Variants in ZNF385A observed in about 807,000 individuals in gnomAD.
The protein encoded by ZNF385A is zinc finger protein 385A.
In ZNF385A, 14 loss-of-function variants were observed where a neutral mutation model predicts 32.1. The observed-to-expected ratio is 0.44, with a 90% CI of 0.29 to 0.68. The LOEUF (loss-of-function observed/expected upper bound fraction) is 0.68, where lower values mean the gene tolerates loss of function less well. Among genes scored for constraint, ZNF385A ranks in the 30% least tolerant of loss-of-function variants. The pLI is 0.14. For synonymous variants in ZNF385A, 197 were observed against 202.7 expected (o/e 0.97, Z 0.24); for missense variants, 406 against 478.4 (o/e 0.85, Z 1.41).
In ZNF385A at chr12:54,384,502, G is replaced by GTGGGGGCTGCATGAT. The variant is rs758465640; in HGVS notation, c.-3_12dup (p.Pro4_Leu5insIleMetGlnProPro). 5.1e-6 allele frequency: 8 copies of GTGGGGGCTGCATGAT among 1,564,752 alleles called. No homozygotes were observed. ...AAGGGCAGGATCTGCTTGAGGTCCA[G>GTGGGGGCTGCATGAT]TGGGGGCTGCATGATCGGGGGCTGC... is the stretch of plus-strand genomic sequence containing the variant. On this transcript the variant is annotated inframe_insertion, in exon 1 of 7. Coordinates refer to ENST00000394313, the MANE Select transcript of ZNF385A (RefSeq NM_015481.3).
Position 54,371,624 on chromosome 12 carries a change from C to G in ZNF385A, c.453G>C (p.Gln151His). The G allele has an allele frequency of 1.2e-6, 2 of 1,612,130 alleles. No individual in the cohort carries two copies. Among genetic ancestry groups the G allele is most frequent in the Non-Finnish European group, 1.7e-6 (2 of 1,179,340 alleles). ...TCCCCCCTTCACCCTTGGTTACACC[C>G]TGACCAGTCTCCGGAATGCTGGGAG... is the stretch of plus-strand genomic sequence containing the variant. ...PSPPSIPETG[Q>H]GVTKGEGGTP... is the part of the protein sequence containing the mutation. Residue 151 changes from glutamine to histidine, a missense_variant, in exon 4 of 7, where the codon CAG becomes CAC. Transcript: ENST00000394313.
intron 1 of ZNF385A, 149 bp from the exon 2 acceptor site, chr12:54,376,103 C>T (rs1357098356): frequency 6.2e-6 from 4 of 644,076 alleles, no homozygotes; most frequent in East Asian, 2.7e-5. Context: ...TCTTCTGATT[C>T]TCTCTTAGCC....
chr12:54,370,423 G>A lies in ZNF385A; in HGVS notation c.934C>T (p.Leu312=). The A allele has an allele frequency of 6.5e-7, 1 of 1,547,628 alleles. No homozygotes were observed. The highest frequency in any genetic ancestry group is 2.4e-5 in the East Asian group (1 of 40,874). The change falls in exon 7 of 7, where the codon CTG becomes TTG. Residue 312 remains leucine (L), a synonymous_variant. Coordinates refer to ENST00000394313, the MANE Select transcript of ZNF385A (RefSeq NM_015481.3). The surrounding 1 kb of genome is among the most constrained non-coding windows in gnomAD (Gnocchi z 5.5). ...GCTGCCATCACTGCAGCCACCGCCA[G>A]GGGGCTGGGGAGCAGGCCGCCCGCC... ...SLAGGLLPSP[L]AVAAVMAAAA...
chr12:54,382,136 C>T (rs543616140), intron 1 of ZNF385A, among the ~76,000 whole-genome samples: 12 of 151,018 alleles, frequency 7.9e-5, no homozygotes, highest in South Asian at 2.1e-4. Flanking sequence ...GGCGCAATCT[C>T]GGCTCACTGC....
At chr12:54,378,984 C>G in intron 1 of ZNF385A, 2 of 912,316 alleles carry the variant, frequency 2.2e-6, no homozygotes, top group Non-Finnish European at 2.6e-6. Flanking sequence ...TAGCCAGCCC[C>G]GCAGGGGCGG....
At chr12:54,387,610 T>G (rs371980531), upstream of ZNF385A, among the ~76,000 whole-genome samples, 5 of 152,336 alleles carry the variant, frequency 3.3e-5, no homozygotes, top group African/African-American at 9.6e-5. Context: ...GGTGAGCAGC[T>G]AGGTTCTCTG....
chr12:54,378,722 G>T (rs981182659), intron 1 of ZNF385A, among the ~76,000 whole-genome samples: 1 of 152,070 alleles, frequency 6.6e-6, no homozygotes, highest in South Asian at 2.1e-4. Context: ...GCAAGCTGGT[G>T]GGGGAGGGAT....
In ZNF385A at chr12:54,384,640, C is replaced by T. The variant is rs1447587625; in HGVS notation, c.-126G>A. 9.9e-6 allele frequency: 14 copies of T among 1,420,142 alleles called. No homozygotes were observed. The highest frequency in any genetic ancestry group is 1.1e-5 in the Non-Finnish European group (12 of 1,091,122). 88.0% of individuals were successfully genotyped at this position (1,420,142 alleles called of 1,614,324 possible). On this transcript the variant is annotated 5_prime_UTR_variant, in exon 1 of 7. In the 5' UTR this introduces an upstream ATG that the reference lacks. Coordinates refer to ENST00000394313, the MANE Select transcript of ZNF385A (RefSeq NM_015481.3). ...ACCCCACCCAAGCCTGCCAGTCCCA[C>T]TCCCTAGCCAGGGCCCCCACACTCA...
Position 54,370,372 on chromosome 12 carries a change from G to T in ZNF385A, c.985C>A (p.Arg329Ser). 2 of 1,514,734 alleles carry T rather than the reference G, an allele frequency of 1.3e-6. No individual in the cohort carries two copies. Among genetic ancestry groups the T allele is most frequent in the Non-Finnish European group, 1.8e-6 (2 of 1,129,864 alleles). 93.8% of individuals were successfully genotyped at this position (1,514,734 alleles called of 1,614,324 possible). Residue 329 changes from arginine to serine, a missense_variant, in exon 7 of 7, where the codon CGC becomes AGC. Arg to Ser is a moderately radical substitution (Grantham distance 110). Coordinates refer to ENST00000394313, the MANE Select transcript of ZNF385A (RefSeq NM_015481.3). The surrounding 1 kb of genome is among the most constrained non-coding windows in gnomAD (Gnocchi z 5.5). Reference protein sequence around the residue: ...AAAAGSPLSLRPAPAAPLLQG... With the variant: ...AAAAGSPLSLSPAPAAPLLQG... ...AGAAGAGGTGCGGCTGGAGCCGGGC[G>T]CAGGGACAGCGGCGAGCCTGCTGCC... is the stretch of plus-strand genomic sequence containing the variant.
At chr12:54,377,542 C>T (rs1252920144) in intron 1 of ZNF385A, among the ~76,000 whole-genome samples, 1 of 152,134 alleles carries the variant, frequency 6.6e-6, no homozygotes, top group African/African-American at 2.4e-5. Context: ...ATTTCTGCGT[C>T]GGGGGCTTTG....
Position 54,384,624 on chromosome 12 carries a change from A to T in ZNF385A, c.-110T>A. ...AGATTAAAGCTTGGGAACCCCACCC[A>T]AGCCTGCCAGTCCCACTCCCTAGCC... On this transcript the variant is annotated 5_prime_UTR_variant, in exon 1 of 7. Coordinates refer to ENST00000394313, the MANE Select transcript of ZNF385A (RefSeq NM_015481.3). 1 of 1,424,248 alleles carries T rather than the reference A, an allele frequency of 7.0e-7. No homozygotes were observed. The highest frequency in any genetic ancestry group is 2.7e-5 in the East Asian group (1 of 37,404). The allele number at this position is 1,424,248 out of a possible 1,614,324, so 88.2% of individuals were successfully genotyped here.
At chr12:54,378,179 G>A (rs2137231346) in intron 1 of ZNF385A, among the ~76,000 whole-genome samples, 1 of 152,304 alleles carries the variant, frequency 6.6e-6, no homozygotes, top group Non-Finnish European at 1.5e-5. Flanking sequence ...GAACTAAGGA[G>A]ACACCAGGAT....
Position 54,370,726 on chromosome 12 carries a change from G to A in ZNF385A, c.775-5C>T, listed in dbSNP as rs778091683. 3.8e-6 allele frequency: 6 copies of A among 1,584,284 alleles called. No homozygotes were observed. The East Asian group carries it at 9.1e-5, about 24-fold the overall frequency. On this transcript the variant is annotated splice_region_variant and splice_polypyrimidine_tract_variant and intron_variant, in intron 5 of 6. Transcript: ENST00000394313. This position sits in a 1 kb window ranked among gnomAD's most constrained non-coding sequence, Gnocchi z 5.5. ...GTGCCGCCGGCTGGAGATGTGCTGCGGGGGCCAGTGGATAGGGGGCTGTGA... is the reference window on the plus strand; with the variant it reads ...GTGCCGCCGGCTGGAGATGTGCTGCAGGGGCCAGTGGATAGGGGGCTGTGA...
chr12:54,375,751 G>C, intron 2 of ZNF385A, 93 bp downstream of exon 2: 1 of 1,056,442 alleles, frequency 9.5e-7, no homozygotes. Context: ...CCCTCAACCA[G>C]AGTAAGTGTT....
At chr12:54,373,603 C>G (rs1243179407) in intron 3 of ZNF385A, among the ~76,000 whole-genome samples, 1 of 152,216 alleles carries the variant, frequency 6.6e-6, no homozygotes, top group East Asian at 1.9e-4. Flanking sequence ...CCCAGTAGGG[C>G]AGGAACTCAG....
At position 54,370,861 on chromosome 12, in the gene ZNF385A, C is replaced by T; in HGVS notation, c.774+66G>A. On this transcript the variant is annotated intron_variant, in intron 5 of 6. Coordinates refer to ENST00000394313, the MANE Select transcript of ZNF385A (RefSeq NM_015481.3). This position sits in a 1 kb window ranked among gnomAD's most constrained non-coding sequence, Gnocchi z 5.5. ...TGAAGAAGGGCCTTTACTCAAGCTC[C>T]TTGCTCCCCTTCCCCACTTAGCGGG... 3 of 1,611,656 alleles carry T rather than the reference C, an allele frequency of 1.9e-6. No homozygotes were observed. Among genetic ancestry groups the T allele is most frequent in the Non-Finnish European group, 2.5e-6 (3 of 1,178,480 alleles).
At chr12:54,376,871 T>G (rs1200040032) in intron 1 of ZNF385A, among the ~76,000 whole-genome samples, 1 of 152,240 alleles carries the variant, frequency 6.6e-6, no homozygotes, top group Non-Finnish European at 1.5e-5. Flanking sequence ...TCCTCCCTTT[T>G]GGCCTCTAGG....
At chr12:54,385,673 C>T (rs1955445383), upstream of ZNF385A, 3 of 985,516 alleles carry the variant, frequency 3.0e-6, no homozygotes, top group Non-Finnish European at 3.6e-6. Flanking sequence ...CCTTTCATAC[C>T]TTTAGTTTCT....
chr12:54,378,252 T>G (rs1216973735), intron 1 of ZNF385A, among the ~76,000 whole-genome samples: 1 of 152,110 alleles, frequency 6.6e-6, no homozygotes, highest in Non-Finnish European at 1.5e-5. Context: ...GAAGTGCTGC[T>G]CCAGGCCAAG....
Sources: allele counts gnomAD v4.1 joint callset (sites outside exome capture counted in the v4.1 genomes callset), GRCh38; gene constraint gnomAD v4.1.1; non-coding constraint Gnocchi (gnomAD v3.1); transcripts MANE v1.5; gene names NCBI Gene and HGNC (gene_info 2026-07-23, HGNC 2026-07-21).